SLC25A21: variants seen among roughly 807,000 people sequenced by gnomAD.
SLC25A21 encodes mitochondrial 2-oxodicarboxylate carrier.
Under a neutral mutation model 43.8 loss-of-function variants are expected in SLC25A21, and 47 were observed. The ratio of observed to expected loss-of-function variants is 1.07; its 90% CI spans 0.85 to 1.37. The LOEUF is 1.37. Among genes scored for constraint, SLC25A21 ranks in the 40% most tolerant of loss-of-function variants. The pLI, the probability that SLC25A21 is intolerant of heterozygous loss-of-function variation, is 0.00. For missense variants in SLC25A21, 352 were observed against 350.2 expected (o/e 1.00, Z -0.04); for synonymous variants, 131 against 121.3 (o/e 1.08, Z -0.52).
intron 1 of SLC25A21, among the ~76,000 whole-genome samples, chr14:36,910,265 T>C (rs1891650097): frequency 6.6e-6 from 1 of 152,212 alleles, no homozygotes; most frequent in Admixed American, 6.5e-5. Flanking sequence ...TGGGTCGTTC[T>C]TTCATTGAAT....
chr14:36,702,475 CA>C (rs1213350246), intron 7 of SLC25A21, among the ~76,000 whole-genome samples: 2,355 of 66,124 alleles, frequency 0.036, 28 homozygotes, highest in African/African-American at 0.12. Flanking sequence ...CCTGTCTCCA[CA>C]AAAAAAAAAA....
chr14:36,725,765 C>CTCA, intron 5 of SLC25A21, 88 bp from the exon 6 acceptor site: 4 of 733,976 alleles, frequency 5.4e-6, no homozygotes, highest in Non-Finnish European at 2.0e-6. Context: ...TGCAGCTGAA[C>CTCA]GTTATAAAGA....
chr14:36,865,969 G>C (rs1890202904), intron 2 of SLC25A21, among the ~76,000 whole-genome samples: 1 of 152,174 alleles, frequency 6.6e-6, no homozygotes, highest in South Asian at 2.1e-4. Flanking sequence ...GTCCTGATGG[G>C]GGGTGAGAAG....
chr14:36,698,213 C>G (rs1171290781), intron 7 of SLC25A21, among the ~76,000 whole-genome samples: 2 of 152,166 alleles, frequency 1.3e-5, no homozygotes, highest in Non-Finnish European at 2.9e-5. Flanking sequence ...GTTGAAAACT[C>G]CTTTCTTTAA....
At chr14:36,904,522 C>T (rs1891482114) in intron 1 of SLC25A21, among the ~76,000 whole-genome samples, 1 of 152,246 alleles carries the variant, frequency 6.6e-6, no homozygotes, top group Non-Finnish European at 1.5e-5. Context: ...CAAATGTTCT[C>T]TCGTTGTATT....
At chr14:37,150,693 G>A (rs745684487) in intron 1 of SLC25A21, among the ~76,000 whole-genome samples, 30 of 152,154 alleles carry the variant, frequency 2.0e-4, no homozygotes, top group Admixed American at 1.6e-3. Context: ...CTATAGGTCT[G>A]CACAAGTACA....
At chr14:36,926,753 A>C (rs977454706) in intron 1 of SLC25A21, among the ~76,000 whole-genome samples, 2 of 152,190 alleles carry the variant, frequency 1.3e-5, no homozygotes, top group African/African-American at 4.8e-5. Context: ...ACACATTCTT[A>C]AACTTCGTAT....
chr14:36,834,180 G>A (rs1479795735), intron 2 of SLC25A21, among the ~76,000 whole-genome samples: 2 of 152,174 alleles, frequency 1.3e-5, no homozygotes, highest in African/African-American at 2.4e-5. Context: ...AATAAAACAC[G>A]ATTAGCAAGA....
chr14:36,720,019 C>T lies in SLC25A21; in HGVS notation c.438+5551G>A, dbSNP rs909138488. ...TGCACTTGGATCCCGGCTACAGGGG[C>T]CCTTGATCTGGACCCTGTGCTTCAG... On this transcript the variant is annotated intron_variant, in intron 6 of 9. Coordinates refer to ENST00000331299, the MANE Select transcript of SLC25A21 (RefSeq NM_030631.4). Among the ~76,000 whole-genome samples, 4 of 152,268 alleles carry T rather than the reference C, an allele frequency of 2.6e-5. No individual in the cohort carries two copies. In the South Asian group the frequency reaches 8.3e-4, roughly 32 times the overall value.
chr14:36,767,535 A>G (rs1335687592), intron 3 of SLC25A21, among the ~76,000 whole-genome samples: 1 of 152,236 alleles, frequency 6.6e-6, no homozygotes. Context: ...AAGTCAGCGT[A>G]AAAGTAGAAA....
At chr14:37,113,108 C>A (rs898638949) in intron 1 of SLC25A21, among the ~76,000 whole-genome samples, 1 of 152,122 alleles carries the variant, frequency 6.6e-6, no homozygotes, top group African/African-American at 2.4e-5. Flanking sequence ...CTGAGAGTTT[C>A]CATAGACACC....
intron 1 of SLC25A21, among the ~76,000 whole-genome samples, chr14:36,990,521 TA>T (rs1186002830): frequency 6.6e-6 from 1 of 151,930 alleles, no homozygotes; most frequent in Admixed American, 6.6e-5. Context: ...GTTTATCCCC[TA>T]AAAAAAACCT....
chr14:37,113,013 T>C (rs935313276), intron 1 of SLC25A21, among the ~76,000 whole-genome samples: 3 of 152,180 alleles, frequency 2.0e-5, no homozygotes, highest in African/African-American at 4.8e-5. Context: ...TAAGTGCCTC[T>C]GCCTCTATTA....
At chr14:36,860,921 G>C (rs1168065821) in intron 2 of SLC25A21, among the ~76,000 whole-genome samples, 1 of 152,034 alleles carries the variant, frequency 6.6e-6, no homozygotes, top group Non-Finnish European at 1.5e-5. Flanking sequence ...GCTATAATAG[G>C]GAAGTATGTA....
At chr14:36,747,275 T>C (rs190798630) in intron 3 of SLC25A21, among the ~76,000 whole-genome samples, 17 of 152,300 alleles carry the variant, frequency 1.1e-4, no homozygotes, top group African/African-American at 4.1e-4. Flanking sequence ...GTGTGGGCTC[T>C]GGAGCCACAC....
intron 1 of SLC25A21, among the ~76,000 whole-genome samples, chr14:36,922,812 A>G (rs560391241): frequency 6.6e-6 from 1 of 152,270 alleles, no homozygotes; most frequent in East Asian, 1.9e-4. Context: ...CTTAAGAACC[A>G]GCTTTGAAAG....
intron 1 of SLC25A21, among the ~76,000 whole-genome samples, chr14:36,900,901 G>A (rs955293281): frequency 8.5e-5 from 13 of 152,146 alleles, no homozygotes; most frequent in African/African-American, 3.1e-4. Context: ...GGCAAATAGA[G>A]GTAACTTTGG....
chr14:36,969,177 C>T (rs1221499073), intron 1 of SLC25A21, among the ~76,000 whole-genome samples: 1 of 152,052 alleles, frequency 6.6e-6, no homozygotes, highest in East Asian at 1.9e-4. Flanking sequence ...ACAAAACAGA[C>T]AAAAATTAAT....
intron 1 of SLC25A21, among the ~76,000 whole-genome samples, chr14:37,055,752 ACT>A (rs1204464199): frequency 3.3e-5 from 5 of 152,156 alleles, no homozygotes; most frequent in Non-Finnish European, 5.9e-5. Context: ...TTCCTATTTT[ACT>A]CTGTTTTGTA....
Sources: gnomAD v4.1 joint callset for allele counts (sites outside exome capture counted in the v4.1 genomes callset) on GRCh38, gnomAD v4.1.1 for gene constraint, MANE v1.5 for transcripts, NCBI Gene and HGNC (gene_info 2026-07-23, HGNC 2026-07-21) for gene names.